TAF3: variants seen among roughly 807,000 people sequenced by gnomAD.
The protein encoded by TAF3 is transcription initiation factor TFIID subunit 3.
In TAF3, 7 loss-of-function variants were observed where a neutral mutation model predicts 80.6. The observed-to-expected ratio is 0.09, with a 90% CI of 0.05 to 0.16. The LOEUF (loss-of-function observed/expected upper bound fraction) is 0.16. TAF3 is among the 10% of genes least tolerant of loss of function. The pLI is 1.00. For synonymous variants in TAF3, 444 were observed against 446.1 expected (o/e 1.00, Z 0.06); for missense variants, 921 against 1,140.2 (o/e 0.81, Z 2.77).
At chr10:7,941,628 C>T (rs184493505) in intron 2 of TAF3, among the ~76,000 whole-genome samples, 15 of 152,326 alleles carry the variant, frequency 9.8e-5, no homozygotes, top group Admixed American at 5.9e-4. Context: ...ATCCTTGCTG[C>T]GCCGATGCCT....
chr10:7,865,889 C>T (rs762986518), intron 2 of TAF3, among the ~76,000 whole-genome samples: 8 of 152,152 alleles, frequency 5.3e-5, no homozygotes, highest in Non-Finnish European at 1.0e-4. Flanking sequence ...ATCTTGTCAG[C>T]GTTGATTTAT....
chr10:7,822,314 C>T (rs1836698108), intron 1 of TAF3, among the ~76,000 whole-genome samples: 1 of 151,236 alleles, frequency 6.6e-6, no homozygotes, highest in South Asian at 2.1e-4. Context: ...TGGTTTGAGG[C>T]TGCAAAGCAT....
Position 7,833,834 on chromosome 10 carries a change from T to G in TAF3, c.409+9274T>G, listed in dbSNP as rs964277290. 2.5e-5 allele frequency: 17 copies of G among 679,632 alleles called. No individual in the cohort carries two copies. In the African/African-American group the frequency reaches 3.2e-4, roughly 13 times the overall value. 42.1% of individuals were successfully genotyped at this position (679,632 alleles called of 1,614,324 possible). A position where few individuals can be genotyped will look rare whatever the true frequency, so the allele number is the denominator to read the frequency against. On this transcript the variant is annotated intron_variant, in intron 2 of 6. Transcript: ENST00000344293. ...ATTGCAGTTCTTCAGCAGAACTGTCTCCCTTCCTGGGGACCGAGGGCTTCC... is the reference window on the plus strand; with the variant it reads ...ATTGCAGTTCTTCAGCAGAACTGTCGCCCTTCCTGGGGACCGAGGGCTTCC...
At chr10:7,891,840 ATGT>A (rs1355046323) in intron 2 of TAF3, among the ~76,000 whole-genome samples, 2 of 152,234 alleles carry the variant, frequency 1.3e-5, no homozygotes, top group African/African-American at 4.8e-5. Context: ...CATCTTGAAA[ATGT>A]TGTATCTACC....
chr10:7,855,161 C>T (rs1030936705), intron 2 of TAF3, among the ~76,000 whole-genome samples: 21 of 152,134 alleles, frequency 1.4e-4, no homozygotes, highest in African/African-American at 2.7e-4. Context: ...GCCAGCAATG[C>T]GGAAACCTAA....
At chr10:7,921,426 T>A in intron 2 of TAF3, among the ~76,000 whole-genome samples, 1 of 152,162 alleles carries the variant, frequency 6.6e-6, no homozygotes. Flanking sequence ...CTTTCTTTGA[T>A]ACCTCCCCTC....
chr10:7,827,053 A>C (rs1359129722), intron 2 of TAF3, among the ~76,000 whole-genome samples: 3 of 152,172 alleles, frequency 2.0e-5, no homozygotes, highest in African/African-American at 7.2e-5. Flanking sequence ...GTTCCCTCTT[A>C]TCAGCCACTC....
intron 2 of TAF3, among the ~76,000 whole-genome samples, chr10:7,933,326 A>G (rs1837886972): frequency 6.6e-6 from 1 of 152,224 alleles, no homozygotes; most frequent in Non-Finnish European, 1.5e-5. Context: ...GTTAGATCAC[A>G]TCTTGCTCAC....
intron 2 of TAF3, among the ~76,000 whole-genome samples, chr10:7,852,576 G>A (rs1837039081): frequency 2.0e-5 from 3 of 152,334 alleles, no homozygotes; most frequent in Admixed American, 6.5e-5. Context: ...TCGGTTCTAA[G>A]AGCTTGATGA....
At chr10:7,935,184 T>A (rs923053560) in intron 2 of TAF3, among the ~76,000 whole-genome samples, 7 of 150,746 alleles carry the variant, frequency 4.6e-5, no homozygotes, top group Admixed American at 6.6e-5. Context: ...GGGTGAGACA[T>A]GAGAATCGCT....
intron 5 of TAF3, among the ~76,000 whole-genome samples, chr10:8,012,858 C>T (rs1327891608): frequency 6.6e-6 from 1 of 152,166 alleles, no homozygotes; most frequent in Non-Finnish European, 1.5e-5. Flanking sequence ...AAGAACTATC[C>T]CTTACAAAAT....
intron 2 of TAF3, among the ~76,000 whole-genome samples, chr10:7,891,470 A>G (rs1837456670): frequency 6.6e-6 from 1 of 152,246 alleles, no homozygotes; most frequent in African/African-American, 2.4e-5. Flanking sequence ...TATGGTCCAA[A>G]CTAAGCAATA....
intron 4 of TAF3, among the ~76,000 whole-genome samples, chr10:8,005,033 A>G (rs1367072436): frequency 6.6e-6 from 1 of 152,006 alleles, no homozygotes; most frequent in Non-Finnish European, 1.5e-5. Flanking sequence ...CCTCCTTTCA[A>G]TTTTAAATCT....
chr10:7,932,341 C>A (rs1304310924), intron 2 of TAF3, among the ~76,000 whole-genome samples: 2 of 152,160 alleles, frequency 1.3e-5, no homozygotes, highest in Non-Finnish European at 2.9e-5. Context: ...GTACAGTCCA[C>A]CACAGAGAGG....
intron 2 of TAF3, among the ~76,000 whole-genome samples, chr10:7,835,716 G>T (rs1836845336): frequency 6.6e-6 from 1 of 152,204 alleles, no homozygotes; most frequent in African/African-American, 2.4e-5. Flanking sequence ...GGGCTTTCCA[G>T]CAGAGGCCTG....
chr10:7,907,699 C>T (rs1331636785), intron 2 of TAF3, among the ~76,000 whole-genome samples: 1 of 152,184 alleles, frequency 6.6e-6, no homozygotes, highest in Non-Finnish European at 1.5e-5. Flanking sequence ...ATACATGCAT[C>T]TCCCAGGTAA....
intron 2 of TAF3, among the ~76,000 whole-genome samples, chr10:7,872,409 C>G (rs1467054706): frequency 6.6e-6 from 1 of 151,972 alleles, no homozygotes; most frequent in Non-Finnish European, 1.5e-5. Context: ...TCGTGTATAG[C>G]CAATGCCAGA....
At chr10:7,906,138 C>T (rs1419392521) in intron 2 of TAF3, among the ~76,000 whole-genome samples, 1 of 152,134 alleles carries the variant, frequency 6.6e-6, no homozygotes, top group Non-Finnish European at 1.5e-5. Context: ...TGTGATATTT[C>T]ATCTCTTGTC....
At chr10:8,004,041 TTTTTA>T (rs1167065565) in intron 4 of TAF3, among the ~76,000 whole-genome samples, 7 of 152,138 alleles carry the variant, frequency 4.6e-5, no homozygotes, top group Non-Finnish European at 8.8e-5. Flanking sequence ...TTCAGTTTTA[TTTTTA>T]TTTTATTTTA....
Sources: gnomAD v4.1 joint callset for allele counts (sites outside exome capture counted in the v4.1 genomes callset) on GRCh38, gnomAD v4.1.1 for gene constraint, MANE v1.5 for transcripts, NCBI Gene and HGNC (gene_info 2026-07-23, HGNC 2026-07-21) for gene names.